The following SPIDR variants were observed in gnomAD, a reference collection of about 807,000 sequenced individuals.
SPIDR encodes scaffold protein involved in DNA repair.
A neutral mutation model predicts 104.6 loss-of-function variants in SPIDR; 93 were observed. That is an observed-to-expected ratio of 0.89 (90% CI 0.75 to 1.06). SPIDR has a LOEUF of 1.06. Among genes scored for constraint, SPIDR ranks in the 50% least tolerant of loss-of-function variants. The pLI, the probability that SPIDR is intolerant of heterozygous loss-of-function variation, is 0.00. For missense variants in SPIDR, 1,154 were observed against 1,111.2 expected (o/e 1.04, Z -0.55); for synonymous variants, 431 against 416.9 (o/e 1.03, Z -0.41).
Position 47,713,574 on chromosome 8 carries a change from G to C in SPIDR, c.2274G>C (p.Leu758=). ...TCTCTGGTGCAAGTTCCTGTGAGCT[G>C]CCTGGCCCGGTGATGCTCGACAGCC... is the stretch of plus-strand genomic sequence containing the variant. ...SVVSGASSCE[L]PGPVMLDSLD... Residue 758 remains leucine (L), a synonymous_variant, in exon 16 of 20, where the codon CTG becomes CTC. Transcript: ENST00000297423. 6.2e-7 allele frequency: 1 copy of C among 1,614,178 alleles called. No individual in the cohort carries two copies. The highest frequency in any genetic ancestry group is 1.1e-5 in the South Asian group (1 of 91,076).
intron 15 of SPIDR, 83 bp from the exon 16 acceptor site, chr8:47,713,403 CGAG>C: frequency 1.3e-6 from 2 of 1,577,746 alleles, no homozygotes; most frequent in Non-Finnish European, 8.7e-7. Flanking sequence ...CTGCATGACT[CGAG>C]GGGTAGCAAA....
chr8:47,630,261 C>A (rs979467607), intron 10 of SPIDR, among the ~76,000 whole-genome samples: 2 of 152,024 alleles, frequency 1.3e-5, no homozygotes, highest in African/African-American at 2.4e-5. Context: ...AATAGAAGAG[C>A]CTCAGAAGGA....
intron 11 of SPIDR, among the ~76,000 whole-genome samples, chr8:47,680,896 A>G (rs2077014147): frequency 1.3e-5 from 2 of 152,242 alleles, no homozygotes; most frequent in African/African-American, 4.8e-5. Flanking sequence ...ACCTGAGGTC[A>G]GGAGTTTCTA....
intron 8 of SPIDR, among the ~76,000 whole-genome samples, chr8:47,516,840 A>G (rs941215973): frequency 2.0e-5 from 3 of 152,124 alleles, no homozygotes; most frequent in African/African-American, 7.2e-5. Flanking sequence ...TTCTTAAGGA[A>G]CTACCATATT....
chr8:47,464,116 ACAC>A (rs2074382848), intron 8 of SPIDR, among the ~76,000 whole-genome samples: 2 of 7,308 alleles, frequency 2.7e-4, no homozygotes, highest in African/African-American at 1.1e-3. Flanking sequence ...AAGATTATAC[ACAC>A]ACACACACAC....
chr8:47,371,133 T>G (rs1244397253), intron 5 of SPIDR, among the ~76,000 whole-genome samples: 2 of 151,794 alleles, frequency 1.3e-5, no homozygotes, highest in Non-Finnish European at 2.9e-5. Flanking sequence ...AGCAGGTTTT[T>G]TTTTTTTTTT....
intron 8 of SPIDR, among the ~76,000 whole-genome samples, chr8:47,491,287 ATTTTTATGTTTCTGTC>A (rs2078665159): frequency 1.3e-5 from 2 of 152,078 alleles, no homozygotes; most frequent in Non-Finnish European, 2.9e-5. Context: ...ATGACTAAAT[ATTTTTATGTTTCTGTC>A]AGTATATGGA....
chr8:47,726,104 T>C (rs1462834460), intron 16 of SPIDR, among the ~76,000 whole-genome samples: 1 of 152,274 alleles, frequency 6.6e-6, no homozygotes, highest in Non-Finnish European at 1.5e-5. Context: ...TAGTCAACAC[T>C]GCTTTCCAGC....
intron 10 of SPIDR, among the ~76,000 whole-genome samples, chr8:47,626,945 T>G (rs1395012136): frequency 2.0e-5 from 3 of 152,196 alleles, no homozygotes; most frequent in Non-Finnish European, 4.4e-5. Context: ...ACACGTATGT[T>G]TATTGTGGCA....
intron 1 of SPIDR, among the ~76,000 whole-genome samples, chr8:47,269,580 A>G (rs868911889): frequency 0.013 from 1,999 of 152,004 alleles, 52 homozygotes; most frequent in African/African-American, 0.045. Context: ...AAAAAAAAAA[A>G]AAAAAGAAAG....
intron 8 of SPIDR, among the ~76,000 whole-genome samples, chr8:47,538,455 A>C (rs534439444): frequency 1.3e-5 from 2 of 152,188 alleles, no homozygotes; most frequent in South Asian, 4.2e-4. Context: ...GAGGCGAGAG[A>C]ATTGCTTGAA....
chr8:47,386,906 T>G (rs1197148967), intron 5 of SPIDR, among the ~76,000 whole-genome samples: 13 of 31,698 alleles, frequency 4.1e-4, no homozygotes, highest in South Asian at 1.0e-3. Context: ...GAGAGAGAGA[T>G]ATAGATATAG....
intron 8 of SPIDR, among the ~76,000 whole-genome samples, chr8:47,571,972 C>T (rs1241517613): frequency 6.6e-6 from 1 of 152,100 alleles, no homozygotes; most frequent in Non-Finnish European, 1.5e-5. Flanking sequence ...TTATATTATG[C>T]TTTCCCTCTT....
intron 8 of SPIDR, chr8:47,511,580 T>A: frequency 2.6e-6 from 2 of 783,206 alleles, no homozygotes; most frequent in Non-Finnish European, 4.7e-6. Context: ...CTGAATCCAC[T>A]CTTGCAGAGT....
chr8:47,383,508 A>G (rs1469453951), intron 5 of SPIDR, among the ~76,000 whole-genome samples: 1 of 152,252 alleles, frequency 6.6e-6, no homozygotes, highest in Non-Finnish European at 1.5e-5. Flanking sequence ...AGAGCATTTC[A>G]TCAGTGGAGT....
At chr8:47,612,990 ATTTG>A (rs979238624) in intron 10 of SPIDR, among the ~76,000 whole-genome samples, 14 of 152,164 alleles carry the variant, frequency 9.2e-5, no homozygotes, top group African/African-American at 1.2e-4. Flanking sequence ...ACTTATATTT[ATTTG>A]TTTATTTACT....
intron 5 of SPIDR, among the ~76,000 whole-genome samples, chr8:47,345,342 A>G (rs2051714914): frequency 6.6e-6 from 1 of 152,170 alleles, no homozygotes; most frequent in African/African-American, 2.4e-5. Flanking sequence ...TGGTACCAGT[A>G]CCATGCTGTT....
Position 47,288,291 on chromosome 8 carries a change from C to CTT in SPIDR, c.257-2731_257-2730dup, listed in dbSNP as rs782147624. 2.8e-3 allele frequency among the ~76,000 whole-genome samples: 411 copies of CTT among 145,822 alleles called. 1 individual carries two copies. The highest frequency in any genetic ancestry group is 0.01 in the African/African-American group (402 of 40,070). The stretch of plus-strand genomic sequence containing the variant: ...ATTTGCAAATAGTGATAACTTCCTT[C>CTT]TTTTTTTTTTTTGAGATAATGTCTC... On this transcript the variant is annotated intron_variant, in intron 3 of 19. Coordinates refer to ENST00000297423, the MANE Select transcript of SPIDR (RefSeq NM_001080394.4).
At chr8:47,384,482 C>T (rs1286888563) in intron 5 of SPIDR, among the ~76,000 whole-genome samples, 1 of 152,126 alleles carries the variant, frequency 6.6e-6, no homozygotes, top group Non-Finnish European at 1.5e-5. Flanking sequence ...AAACTGGTAT[C>T]CGCAGGCTGT....
Sources: allele counts gnomAD v4.1 joint callset (sites outside exome capture counted in the v4.1 genomes callset), GRCh38; gene constraint gnomAD v4.1.1; transcripts MANE v1.5; gene names NCBI Gene and HGNC (gene_info 2026-07-23, HGNC 2026-07-21).